The following F8 variants were observed in gnomAD, a reference collection of about 807,000 sequenced individuals.
F8 encodes the protein coagulation factor VIII, also known as antihemophilic factor.
F8 carries 12 observed loss-of-function variants against 140.6 expected under a neutral mutation model. That is an observed-to-expected ratio of 0.09 (90% confidence interval 0.05 to 0.14). The LOEUF is 0.14. Among genes scored for constraint, F8 ranks in the 10% least tolerant of loss-of-function variants. F8 has a pLI of 1.00. For missense variants in F8, 1,354 were observed against 1,720.7 expected (o/e 0.79, Z 3.77); for synonymous variants, 585 against 614.6 (o/e 0.95, Z 0.71).
chrX:155,020,126 TATC>T (rs200381164), intron 1 of F8, among the ~76,000 whole-genome samples: 3,333 of 111,592 alleles, frequency 0.03, 38 homozygotes, highest in African/African-American at 0.038. Context: ...ACCCACCAGA[TATC>T]AGAAGATATC....
At chrX:154,992,799 C>A in intron 4 of F8, 137 bp downstream of exon 4, 1 of 560,450 alleles carries the variant, frequency 1.8e-6, no homozygotes, top group South Asian at 2.7e-5. Flanking sequence ...GGATTATTCT[C>A]CTTTCCATGA....
chrX:155,013,995 T>A (rs1429066478), intron 1 of F8, among the ~76,000 whole-genome samples: 1 of 111,252 alleles, frequency 9.0e-6, no homozygotes, highest in Non-Finnish European at 1.9e-5. Context: ...AATATAATCA[T>A]CTTGAGAGTT....
At chrX:155,021,735 G>A (rs1459376392) in intron 1 of F8, among the ~76,000 whole-genome samples, 1 of 111,763 alleles carries the variant, frequency 8.9e-6, no homozygotes, top group Non-Finnish European at 1.9e-5. Context: ...AATCACAGGA[G>A]ACTCTTACAT....
chrX:154,990,225 T>C (rs1482584037), intron 4 of F8, among the ~76,000 whole-genome samples: 2 of 112,108 alleles, frequency 1.8e-5, no homozygotes, highest in African/African-American at 6.5e-5. Context: ...TTTATTATGA[T>C]TTTACTGCTT....
intron 14 of F8, among the ~76,000 whole-genome samples, chrX:154,915,236 C>G (rs1758523949): frequency 9.0e-6 from 1 of 111,719 alleles, no homozygotes; most frequent in Admixed American, 9.5e-5. Context: ...TGGGTCCCTC[C>G]CACGACATGT....
intron 14 of F8, among the ~76,000 whole-genome samples, chrX:154,926,886 C>A (rs1211404927): frequency 7.2e-5 from 8 of 111,586 alleles, no homozygotes; most frequent in African/African-American, 2.6e-4. Flanking sequence ...TAAACAATGT[C>A]GTCACAGAGT....
intron 25 of F8, among the ~76,000 whole-genome samples, chrX:154,851,362 A>AT (rs2072613892): frequency 8.9e-6 from 1 of 111,931 alleles, no homozygotes; most frequent in South Asian, 3.7e-4. Context: ...TTTGTATATT[A>AT]GTTTTTGTTA....
chrX:154,873,680 A>G (rs2072791982), intron 22 of F8, among the ~76,000 whole-genome samples: 1 of 112,379 alleles, frequency 8.9e-6, no homozygotes, highest in South Asian at 3.7e-4. Context: ...AAGCCCAGAA[A>G]TAAGTTCACA....
At chrX:154,942,437 G>A (rs868945951) in intron 13 of F8, among the ~76,000 whole-genome samples, 2,100 of 108,125 alleles carry the variant, frequency 0.019, 19 homozygotes, top group Middle Eastern at 0.038. Flanking sequence ...TAAATTCCTC[G>A]ACACATACAC....
intron 6 of F8, among the ~76,000 whole-genome samples, chrX:154,973,078 A>T (rs2073467355): frequency 9.0e-6 from 1 of 111,466 alleles, no homozygotes; most frequent in African/African-American, 3.3e-5. Context: ...ATGGATATCC[A>T]GTTTTCCCAG....
At chrX:154,914,832 A>G (rs2124018607) in intron 14 of F8, among the ~76,000 whole-genome samples, 1 of 111,341 alleles carries the variant, frequency 9.0e-6, no homozygotes, top group African/African-American at 3.3e-5. Flanking sequence ...GAGCCCTCCA[A>G]ACTGTTCCAT....
chrX:154,982,397 G>A (rs1320716160), intron 6 of F8, among the ~76,000 whole-genome samples: 1 of 92,724 alleles, frequency 1.1e-5, no homozygotes, highest in East Asian at 3.4e-4. Context: ...GCAGTGAGCT[G>A]AGATTGCGCC....
At chrX:154,941,661 C>G (rs1276781719) in intron 13 of F8, among the ~76,000 whole-genome samples, 1 of 110,578 alleles carries the variant, frequency 9.0e-6, no homozygotes, top group African/African-American at 3.3e-5. Context: ...CTGCACCAAG[C>G]GGACCTAATA....
chrX:155,011,707 G>GT (rs1402042245), intron 1 of F8, among the ~76,000 whole-genome samples: 1 of 112,203 alleles, frequency 8.9e-6, no homozygotes, highest in Non-Finnish European at 1.9e-5. Context: ...ATACAATGGA[G>GT]TATTATTCAG....
At chrX:155,017,679 G>A (rs2073741701) in intron 1 of F8, among the ~76,000 whole-genome samples, 1 of 110,874 alleles carries the variant, frequency 9.0e-6, no homozygotes, top group African/African-American at 3.3e-5. Flanking sequence ...AAGCTGGGGT[G>A]GGGTGGGATA....
At chrX:154,995,329 G>A (rs1557285008) in intron 3 of F8, among the ~76,000 whole-genome samples, 1 of 112,032 alleles carries the variant, frequency 8.9e-6, no homozygotes. Flanking sequence ...TGGATTAGGG[G>A]AAATGTAGCA....
chrX:154,904,663 A>G, intron 16 of F8, 139 bp from the exon 17 acceptor site: 2 of 748,304 alleles, frequency 2.7e-6, no homozygotes, highest in South Asian at 2.2e-5. Flanking sequence ...AGTAGATTCC[A>G]GAATGACATT....
intron 18 of F8, among the ~76,000 whole-genome samples, chrX:154,903,434 C>T (rs373534627): frequency 7.9e-4 from 89 of 112,086 alleles, no homozygotes; most frequent in African/African-American, 2.9e-3. Flanking sequence ...CCAACCTTGG[C>T]CTCCCAAAGT....
At chrX:154,975,953 C>T (rs886237349) in intron 6 of F8, among the ~76,000 whole-genome samples, 5 of 111,410 alleles carry the variant, frequency 4.5e-5, no homozygotes, top group South Asian at 3.8e-4. Context: ...TGGAGTGCAG[C>T]GGTGCAATGT....
Sources: gnomAD v4.1 joint callset for allele counts (sites outside exome capture counted in the v4.1 genomes callset) on GRCh38, gnomAD v4.1.1 for gene constraint, MANE v1.5 for transcripts, NCBI Gene and HGNC (gene_info 2026-07-23, HGNC 2026-07-21) for gene names.